ZNF705A: variants seen among roughly 807,000 people sequenced by gnomAD.
ZNF705A encodes the protein zinc finger protein 705A.
In ZNF705A, 8 loss-of-function variants were observed where a neutral mutation model predicts 16.6. The observed-to-expected ratio is 0.48, with a 90% CI of 0.28 to 0.87. The LOEUF is 0.87. Ranked by LOEUF, ZNF705A falls within the 40% of genes least tolerant of loss-of-function variation. ZNF705A has a pLI of 0.10. For missense variants in ZNF705A, 233 were observed against 359.9 expected (o/e 0.65, Z 2.85); for synonymous variants, 73 against 117.3 (o/e 0.62, Z 2.44).
intron 1 of ZNF705A, among the ~76,000 whole-genome samples, chr12:8,162,281 A>T (rs901160084): frequency 2.6e-5 from 4 of 152,186 alleles, no homozygotes; most frequent in Admixed American, 2.0e-4. Context: ...GTCTGGGCAA[A>T]CATGTGAGTT....
intron 1 of ZNF705A, among the ~76,000 whole-genome samples, chr12:8,159,055 A>G (rs185224031): frequency 1.3e-5 from 2 of 152,264 alleles, no homozygotes; most frequent in East Asian, 3.9e-4. Flanking sequence ...CAATGAGCAC[A>G]TATGATGTTT....
chr12:8,160,456 A>G (rs950872839), intron 1 of ZNF705A, among the ~76,000 whole-genome samples: 1 of 152,102 alleles, frequency 6.6e-6, no homozygotes, highest in South Asian at 2.1e-4. Flanking sequence ...ATCCATGAGC[A>G]TGGGATGTGT....
upstream of ZNF705A, chr12:8,168,838 A>G (rs1948421072): frequency 6.6e-6 from 1 of 152,176 alleles, no homozygotes. Flanking sequence ...ATTTCCTGTC[A>G]CAGATTTTCT....
chr12:8,165,622 C>G (rs950791346), intron 1 of ZNF705A, among the ~76,000 whole-genome samples: 10 of 151,868 alleles, frequency 6.6e-5, no homozygotes, highest in African/African-American at 2.4e-4. Flanking sequence ...ATCTTGTAAC[C>G]CAGATAGAAA....
intron 1 of ZNF705A, among the ~76,000 whole-genome samples, chr12:8,158,845 G>A (rs1430336588): frequency 1.3e-5 from 2 of 151,880 alleles, no homozygotes; most frequent in Admixed American, 6.6e-5. Context: ...AGGTTACTGG[G>A]GTACAGGGAG....
intron 1 of ZNF705A, among the ~76,000 whole-genome samples, chr12:8,159,931 A>G (rs778221976): frequency 5.3e-5 from 8 of 151,844 alleles, no homozygotes; most frequent in African/African-American, 1.9e-4. Flanking sequence ...TTTCAATGCT[A>G]TTTTCTAGAA....
At chr12:8,163,316 A>AT (rs888916445) in intron 1 of ZNF705A, among the ~76,000 whole-genome samples, 2 of 151,614 alleles carry the variant, frequency 1.3e-5, no homozygotes, top group Non-Finnish European at 1.5e-5. Flanking sequence ...TGATATTTTT[A>AT]TTTTTTTTTA....
At chr12:8,162,122 C>G (rs971313161) in intron 1 of ZNF705A, among the ~76,000 whole-genome samples, 2 of 152,168 alleles carry the variant, frequency 1.3e-5, no homozygotes, top group African/African-American at 4.8e-5. Context: ...CCTATGCCCC[C>G]AGACCAGAAG....
exon 4 of ZNF705A, chr12:8,175,924 A>G (rs189696429): frequency 1.9e-6 from 3 of 1,611,564 alleles, no homozygotes; most frequent in African/African-American, 2.7e-5. Flanking sequence ...GAAAAGACGC[A>G]TCCACCAGTA....
rs190631954 is a variant in ZNF705A at position 8,165,628 on chromosome 12, A to G, written c.-71-6927A>G. On this transcript the variant is annotated intron_variant, in intron 1 of 5. Transcript: ENST00000396570. ...GTATGAATGATCTTGTAACCCAGATAGAAAACATAATACCCAATAGATAGT... is the reference window on the plus strand; with the variant it reads ...GTATGAATGATCTTGTAACCCAGATGGAAAACATAATACCCAATAGATAGT... Among the ~76,000 whole-genome samples, 384 of 152,138 alleles carry G rather than the reference A, an allele frequency of 2.5e-3. 1 individual carries two copies. The highest frequency in any genetic ancestry group is 8.8e-3 in the African/African-American group (365 of 41,508).
chr12:8,164,767 G>A (rs1280006434), intron 1 of ZNF705A, among the ~76,000 whole-genome samples: 3 of 152,204 alleles, frequency 2.0e-5, no homozygotes, highest in Non-Finnish European at 4.4e-5. Context: ...CCATGTCTTT[G>A]CTATTGTGAA....
upstream of ZNF705A, among the ~76,000 whole-genome samples, chr12:8,170,647 G>A (rs1426277342): frequency 6.6e-6 from 1 of 152,150 alleles, no homozygotes; most frequent in Admixed American, 6.5e-5. Context: ...TAATATTAAG[G>A]GTTACAGCTG....
chr12:8,174,273 C>T (rs548088760), intron 1 of ZNF705A, 53 bp from the exon 3 acceptor site: 713 of 1,595,632 alleles, frequency 4.5e-4, no homozygotes, highest in Non-Finnish European at 5.4e-4. Context: ...CTTCCTCTTC[C>T]GGACATTGAA....
At chr12:8,177,112 T>C in exon 5 of ZNF705A, 1 of 1,612,020 alleles carries the variant, frequency 6.2e-7, no homozygotes, top group Non-Finnish European at 8.5e-7. Flanking sequence ...AGAAACCCTA[T>C]GTCAGCAAAC....
At position 8,175,213 on chromosome 12, in the gene ZNF705A, T is replaced by C. The variant is rs1948475872; in HGVS notation, c.140-15T>C. 1 of 1,596,050 alleles carries C rather than the reference T, an allele frequency of 6.3e-7. No individual in the cohort carries two copies. The highest frequency in any genetic ancestry group is 1.3e-5 in the African/African-American group (1 of 74,832). On this transcript the variant is annotated splice_polypyrimidine_tract_variant and intron_variant, in intron 2 of 4. Transcript: ENST00000359286. Reference sequence around the variant, plus strand: ...GACAGTGAACTCAAAACACATGTATTCTTTCCACTAACAGGGTACCAGATA... The same window carrying C: ...GACAGTGAACTCAAAACACATGTATCCTTTCCACTAACAGGGTACCAGATA...
intron 1 of ZNF705A, among the ~76,000 whole-genome samples, chr12:8,163,042 C>T (rs1399328576): frequency 6.6e-6 from 1 of 152,184 alleles, no homozygotes; most frequent in Non-Finnish European, 1.5e-5. Flanking sequence ...TTCTCAAATC[C>T]TCTTCACCAA....
intron 1 of ZNF705A, among the ~76,000 whole-genome samples, chr12:8,166,579 G>A (rs1948401049): frequency 6.6e-6 from 1 of 152,202 alleles, no homozygotes; most frequent in Admixed American, 6.5e-5. Flanking sequence ...CCAACCATGT[G>A]GAACTGTAAG....
upstream of ZNF705A, among the ~76,000 whole-genome samples, chr12:8,167,582 C>T (rs938263463): frequency 1.3e-5 from 2 of 152,098 alleles, no homozygotes; most frequent in Admixed American, 6.5e-5. Context: ...GCTTGTGGGA[C>T]TTGCCTTGGA....
intron 4 of ZNF705A, among the ~76,000 whole-genome samples, 194 bp downstream of exon 5, chr12:8,176,136 T>C (rs1248458726): frequency 1.3e-5 from 2 of 152,190 alleles, no homozygotes; most frequent in African/African-American, 4.8e-5. Context: ...ATCTCTAAAA[T>C]AGAACAAGTG....
Sources: gnomAD v4.1 joint callset for allele counts (sites outside exome capture counted in the v4.1 genomes callset) on GRCh38, gnomAD v4.1.1 for gene constraint, MANE v1.5 for transcripts, NCBI Gene and HGNC (gene_info 2026-07-23, HGNC 2026-07-21) for gene names.